The following GALNT13 variants were observed in gnomAD, a reference collection of about 807,000 sequenced individuals.
GALNT13 encodes the protein UDP-GalNAc:polypeptide N-acetylgalactosaminyltransferase 13.
In GALNT13, 28 loss-of-function variants were observed where a neutral mutation model predicts 64.2. That is an observed-to-expected ratio of 0.44 (90% CI 0.32 to 0.60). The LOEUF (loss-of-function observed/expected upper bound fraction) is 0.60. Ranked by LOEUF, GALNT13 falls within the 20% of genes least tolerant of loss-of-function variation. GALNT13 has a pLI of 0.05. For missense variants in GALNT13, 577 were observed against 669.8 expected (o/e 0.86, Z 1.53); for synonymous variants, 214 against 224.6 (o/e 0.95, Z 0.42).
chr2:153,846,383 T>C, the GALNT13 span, among the ~76,000 whole-genome samples: 4 of 152,120 alleles, frequency 2.6e-5, no homozygotes, highest in East Asian at 7.7e-4. Context: ...GTAGAATGTA[T>C]ATTGAATGTT....
intron 11 of GALNT13, among the ~76,000 whole-genome samples, chr2:154,413,757 T>G (rs1193412065): frequency 6.6e-6 from 1 of 152,052 alleles, no homozygotes; most frequent in Non-Finnish European, 1.5e-5. Flanking sequence ...ACCCGATAAT[T>G]TAGCTTCTCA....
chr2:153,131,804 G>C, the GALNT13 span, among the ~76,000 whole-genome samples: 1 of 151,796 alleles, frequency 6.6e-6, no homozygotes, highest in South Asian at 2.1e-4. Flanking sequence ...AGCATGTTTG[G>C]TACCTAATGG....
At chr2:154,093,332 A>G (rs1701910230) in intron 3 of GALNT13, among the ~76,000 whole-genome samples, 1 of 152,022 alleles carries the variant, frequency 6.6e-6, no homozygotes, top group South Asian at 2.1e-4. Flanking sequence ...CAAACATATG[A>G]TTAATGTTTG....
chr2:153,554,112 T>C, the GALNT13 span, among the ~76,000 whole-genome samples: 15 of 150,356 alleles, frequency 1.0e-4, no homozygotes, highest in East Asian at 1.8e-3. Context: ...GTCAGGAGAT[T>C]GAGACCATCC....
At chr2:153,603,225 C>A in the GALNT13 span, among the ~76,000 whole-genome samples, 1 of 151,878 alleles carries the variant, frequency 6.6e-6, no homozygotes, top group African/African-American at 2.4e-5. Context: ...GAAGTACTTT[C>A]TCTTTTCTTT....
chr2:154,292,983 G>T (rs1692728737), intron 8 of GALNT13, among the ~76,000 whole-genome samples: 1 of 152,094 alleles, frequency 6.6e-6, no homozygotes, highest in Non-Finnish European at 1.5e-5. Context: ...TGAGCAATGG[G>T]CATTTTACAT....
At chr2:154,034,533 T>C (rs1698539485) in intron 3 of GALNT13, among the ~76,000 whole-genome samples, 1 of 146,970 alleles carries the variant, frequency 6.8e-6, no homozygotes. Flanking sequence ...TAACCATCAC[T>C]TGAATAGTGT....
downstream of GALNT13, among the ~76,000 whole-genome samples, chr2:154,454,969 T>A (rs777009161): frequency 2.0e-5 from 3 of 152,162 alleles, no homozygotes; most frequent in Admixed American, 2.0e-4. Flanking sequence ...TTAGGTTCTA[T>A]GTTATGGAGC....
At chr2:153,520,330 G>T in the GALNT13 span, among the ~76,000 whole-genome samples, 2 of 123,236 alleles carry the variant, frequency 1.6e-5, no homozygotes, top group African/African-American at 6.1e-5. Flanking sequence ...AAGGTTAGCA[G>T]CTAAATTTTG....
intron 3 of GALNT13, among the ~76,000 whole-genome samples, chr2:153,972,719 G>A (rs1693823291): frequency 6.6e-6 from 1 of 151,898 alleles, no homozygotes; most frequent in African/African-American, 2.4e-5. Context: ...GCTTCAGCTT[G>A]TGATGCAGAT....
chr2:153,273,394 T>C, the GALNT13 span, among the ~76,000 whole-genome samples: 1 of 152,206 alleles, frequency 6.6e-6, no homozygotes, highest in Non-Finnish European at 1.5e-5. Flanking sequence ...GAGTGCTGCT[T>C]CTTCCTACTT....
chr2:153,620,064 C>T, the GALNT13 span, among the ~76,000 whole-genome samples: 31 of 152,032 alleles, frequency 2.0e-4, no homozygotes, highest in Non-Finnish European at 4.4e-5. Context: ...TCTATCTCTT[C>T]TTTAAGGGAA....
the GALNT13 span, among the ~76,000 whole-genome samples, chr2:153,152,239 C>T: frequency 6.6e-6 from 1 of 151,824 alleles, no homozygotes; most frequent in Non-Finnish European, 1.5e-5. Flanking sequence ...GCTGATTTAG[C>T]AAATCTCATG....
At chr2:153,875,210 G>T (rs1212089991) in intron 1 of GALNT13, among the ~76,000 whole-genome samples, 1 of 151,944 alleles carries the variant, frequency 6.6e-6, no homozygotes, top group African/African-American at 2.4e-5. Context: ...AGTAATAATA[G>T]AAATCCATGG....
chr2:153,514,702 A>G, the GALNT13 span, among the ~76,000 whole-genome samples: 1 of 151,966 alleles, frequency 6.6e-6, no homozygotes, highest in Non-Finnish European at 1.5e-5. Flanking sequence ...TCATGTTGCA[A>G]TTGCCTATGG....
the GALNT13 span, among the ~76,000 whole-genome samples, chr2:153,807,910 C>T: frequency 7.1e-3 from 1,075 of 152,126 alleles, 14 homozygotes; most frequent in African/African-American, 0.024. Flanking sequence ...TTAAAGCCTT[C>T]GGTTATTTTC....
intron 11 of GALNT13, among the ~76,000 whole-genome samples, chr2:154,429,077 C>G (rs1357195977): frequency 6.6e-6 from 1 of 152,272 alleles, no homozygotes; most frequent in Admixed American, 6.5e-5. Flanking sequence ...ATCTCTCGCT[C>G]CACAGGGCTT....
At chr2:153,804,830 G>C in the GALNT13 span, among the ~76,000 whole-genome samples, 1 of 151,968 alleles carries the variant, frequency 6.6e-6, no homozygotes, top group Non-Finnish European at 1.5e-5. Flanking sequence ...AGAAAGACAG[G>C]CTTATATAAA....
the GALNT13 span, among the ~76,000 whole-genome samples, chr2:153,239,460 A>G: frequency 6.6e-6 from 1 of 151,978 alleles, no homozygotes; most frequent in Non-Finnish European, 1.5e-5. Context: ...CAGTGATACT[A>G]TGTGTCTGTT....
Sources: allele counts gnomAD v4.1 joint callset (sites outside exome capture counted in the v4.1 genomes callset), GRCh38; gene constraint gnomAD v4.1.1; transcripts MANE v1.5; gene names NCBI Gene and HGNC (gene_info 2026-07-23, HGNC 2026-07-21).